Variants in SH3GLB2 observed in about 807,000 individuals in gnomAD.
The protein encoded by SH3GLB2 is endophilin-B2.
SH3GLB2 carries 24 observed loss-of-function variants against 48.0 expected under a neutral mutation model. The observed-to-expected ratio is 0.50, with a 90% CI of 0.36 to 0.70. The LOEUF is 0.70. Ranked by LOEUF, SH3GLB2 falls within the 30% of genes least tolerant of loss-of-function variation. The probability of loss-of-function intolerance (pLI) is 0.00; values close to 1 mark genes in which losing one functional copy is unlikely to be tolerated. For synonymous variants in SH3GLB2, 227 were observed against 207.6 expected (o/e 1.09, Z -0.80); for missense variants, 425 against 516.0 (o/e 0.82, Z 1.71).
intron 2 of SH3GLB2, among the ~76,000 whole-genome samples, 199 bp downstream of exon 2, chr9:129,022,083 T>C (rs1457231941): frequency 6.6e-6 from 1 of 152,024 alleles, no homozygotes; most frequent in Admixed American, 6.6e-5. Context: ...GTGTTTCCAC[T>C]GCCCTGGAGT....
Position 129,014,385 on chromosome 9 carries a change from G to A in SH3GLB2, c.561+26C>T. Reference sequence around the variant, plus strand: ...GCTCCAGCCAGAGCCTGGGCCAGGAGGCCAGCGGGGAGCGGGGACACCTAC... The same window carrying A: ...GCTCCAGCCAGAGCCTGGGCCAGGAAGCCAGCGGGGAGCGGGGACACCTAC... On this transcript the variant is annotated intron_variant, in intron 5 of 10. Transcript: ENST00000372564. The surrounding 1 kb of genome is among the most constrained non-coding windows in gnomAD (Gnocchi z 4.1). 2 of 1,547,382 alleles carry A rather than the reference G, an allele frequency of 1.3e-6. No homozygotes were observed. Among genetic ancestry groups the A allele is most frequent in the Non-Finnish European group, 1.7e-6 (2 of 1,145,368 alleles).
At chr9:129,010,944 C>T in intron 6 of SH3GLB2, 1 of 560,062 alleles carries the variant, frequency 1.8e-6, no homozygotes, top group East Asian at 3.0e-5. Flanking sequence ...ATTTCTCCTA[C>T]AGTGTCAGCC....
intron 5 of SH3GLB2, chr9:129,013,922 C>T (rs991704236): frequency 4.7e-6 from 2 of 429,728 alleles, no homozygotes; most frequent in Admixed American, 2.5e-5. Context: ...ATGGCCCAGG[C>T]CCTATCCAAT....
intron 3 of SH3GLB2, among the ~76,000 whole-genome samples, chr9:129,015,525 CAG>C (rs894652718): frequency 2.0e-5 from 3 of 152,110 alleles, no homozygotes; most frequent in Non-Finnish European, 2.9e-5. Flanking sequence ...TGCTTGAACC[CAG>C]CTGTTCAAGA....
At position 129,021,104 on chromosome 9, in the gene SH3GLB2, C is replaced by T. The variant is rs908262602; in HGVS notation, c.321G>A (p.Pro107=). 8.7e-6 allele frequency: 14 copies of T among 1,608,396 alleles called. No homozygotes were observed. The highest frequency in any genetic ancestry group is 2.2e-5 in the East Asian group (1 of 44,522). The stretch of plus-strand genomic sequence containing the variant: ...AGGCCTGCTCACCATAGGGGGTGGT[C>T]GGCCCCAGCTCACTGGCCGCGTCTG... The part of the protein sequence containing the change: ...YMADAASELG[P]TTPYGKTLIK... The change falls in exon 3 of 11, where the codon CCG becomes CCA. Residue 107 remains proline (P), a synonymous_variant. Transcript: ENST00000372564.
intron 1 of SH3GLB2, among the ~76,000 whole-genome samples, chr9:129,023,055 G>A (rs1443480565): frequency 1.3e-5 from 2 of 152,204 alleles, no homozygotes; most frequent in Non-Finnish European, 2.9e-5. Context: ...TAGGTTATGA[G>A]GATGAAAGAG....
At chr9:129,012,322 G>T (rs376650558) in intron 5 of SH3GLB2, 24 bp from the exon 6 acceptor site, 2 of 1,280,322 alleles carry the variant, frequency 1.6e-6, no homozygotes, top group Non-Finnish European at 2.0e-6. Flanking sequence ...GAGTTCATGT[G>T]GGGAGGGGGT....
At chr9:129,027,193 A>G (rs1277391365) in intron 1 of SH3GLB2, among the ~76,000 whole-genome samples, 1 of 152,206 alleles carries the variant, frequency 6.6e-6, no homozygotes, top group Non-Finnish European at 1.5e-5. Flanking sequence ...GACTTGTCCA[A>G]GGTCACATGC....
rs1843020910 is a variant in SH3GLB2, at chr9:129,010,065, C to G, written c.738+55G>C. ...AGCCCTGCTGACCTTGTGGTTCAGGCACACCTGGTGCCTGCTGAGGGTTAG... is the reference window on the plus strand; with the variant it reads ...AGCCCTGCTGACCTTGTGGTTCAGGGACACCTGGTGCCTGCTGAGGGTTAG... On this transcript the variant is annotated intron_variant, in intron 8 of 10. Coordinates refer to ENST00000372564, the MANE Select transcript of SH3GLB2 (RefSeq NM_020145.4). 8.3e-6 allele frequency: 13 copies of G among 1,558,204 alleles called. No homozygotes were observed. The South Asian group carries it at 1.4e-4, about 17-fold the overall frequency.
rs1383659547 is a variant in SH3GLB2, at chr9:129,009,218, GCCTC to G, written c.964_967del (p.Glu322ProfsTer121). 6.2e-7 allele frequency: 1 copy of G among 1,606,376 alleles called. No individual in the cohort carries two copies. Among genetic ancestry groups the G allele is most frequent in the Non-Finnish European group, 8.5e-7 (1 of 1,176,986 alleles). On this transcript the variant is annotated frameshift_variant, in exon 10 of 11. Transcript: ENST00000372564. LOFTEE classifies it high-confidence loss of function. ...GGCCACCTCTTCCAGGCAGAGCGAG[GCCTC>G]CCCCGGAGGGGCCAGGCTGGCCACA...
At chr9:129,015,046 G>A (rs983741541) in intron 3 of SH3GLB2, 142 bp from the exon 4 acceptor site, 8 of 1,055,098 alleles carry the variant, frequency 7.6e-6, no homozygotes, top group Non-Finnish European at 8.2e-6. Flanking sequence ...AAAAGCAGAA[G>A]CAACCTACAC....
Position 129,028,254 on chromosome 9 carries a change from C to G in SH3GLB2, c.-100G>C. 2 of 754,388 alleles carry G rather than the reference C, an allele frequency of 2.7e-6. No individual in the cohort carries two copies. Among genetic ancestry groups the G allele is most frequent in the Non-Finnish European group, 1.6e-6 (1 of 615,230 alleles). 46.7% of individuals were successfully genotyped at this position (754,388 alleles called of 1,614,324 possible). A position where few individuals can be genotyped will look rare whatever the true frequency, so the allele number is the denominator to read the frequency against. On this transcript the variant is annotated 5_prime_UTR_variant, in exon 1 of 11. Transcript: ENST00000372564. ...CACCCCGCCCACCTGCTGCGGGGCA[C>G]CAGCCCTCCGCGCACCCGCCTGCCG... is the stretch of plus-strand genomic sequence containing the variant.
At chr9:129,010,791 C>T in intron 6 of SH3GLB2, 98 bp from the exon 7 acceptor site, 1 of 1,416,170 alleles carries the variant, frequency 7.1e-7, no homozygotes, top group Non-Finnish European at 9.8e-7. Flanking sequence ...GACTCAACTT[C>T]TGCCCCCCTG....
intron 3 of SH3GLB2, among the ~76,000 whole-genome samples, chr9:129,016,081 G>A (rs919800365): frequency 6.6e-6 from 1 of 151,804 alleles, no homozygotes; most frequent in African/African-American, 2.4e-5. Context: ...AGTGGCTCAC[G>A]CCTGTAATTC....
Position 129,026,217 on chromosome 9 carries a change from C to T in SH3GLB2, c.63+1875G>A, listed in dbSNP as rs17452582. ...GCCAAGGCCTTGTTCCTTGCTGGAT[C>T]GGGGAGGCTCTTAAAGTTGTTTCTT... On this transcript the variant is annotated intron_variant, in intron 1 of 10. Coordinates refer to ENST00000372564, the MANE Select transcript of SH3GLB2 (RefSeq NM_020145.4). 5.0e-3 allele frequency among the ~76,000 whole-genome samples: 766 copies of T among 152,266 alleles called. 6 individuals are homozygous for T. The highest frequency in any genetic ancestry group is 9.1e-3 in the Non-Finnish European group (620 of 68,022).
intron 6 of SH3GLB2, chr9:129,012,004 C>A (rs896404298): frequency 7.6e-6 from 3 of 392,950 alleles, no homozygotes; most frequent in Non-Finnish European, 1.3e-5. Flanking sequence ...CCAGCTCCAG[C>A]GTTTTGCAGA....
Position 129,014,930 on chromosome 9 carries a change from G to C in SH3GLB2, c.335-26C>G. The C allele has an allele frequency of 6.2e-7, 1 of 1,608,566 alleles. No homozygotes were observed. Among genetic ancestry groups the C allele is most frequent in the Non-Finnish European group, 8.5e-7 (1 of 1,177,070 alleles). On this transcript the variant is annotated intron_variant, in intron 3 of 10. Transcript: ENST00000372564. This position sits in a 1 kb window ranked among gnomAD's most constrained non-coding sequence, Gnocchi z 4.1. ...CTGAGAAAACAGAGTTGAAGCGTGAGGAAGAAGGTCAGGCTCAGGCTACTC... is the reference window on the plus strand; with the variant it reads ...CTGAGAAAACAGAGTTGAAGCGTGACGAAGAAGGTCAGGCTCAGGCTACTC...
In SH3GLB2 at chr9:129,026,978, G is replaced by C. The variant is rs139603574; in HGVS notation, c.63+1114C>G. On this transcript the variant is annotated intron_variant, in intron 1 of 10. Coordinates refer to ENST00000372564, the MANE Select transcript of SH3GLB2 (RefSeq NM_020145.4). Reference sequence around the variant, plus strand: ...GGCTGGGTGTGGGCTCCTGGGGAGGGGAGTGCCCGGGTTGGGGGTGGGGAG... The same window carrying C: ...GGCTGGGTGTGGGCTCCTGGGGAGGCGAGTGCCCGGGTTGGGGGTGGGGAG... Among the ~76,000 whole-genome samples, 65 of 152,280 alleles carry C rather than the reference G, an allele frequency of 4.3e-4. 1 individual carries two copies. The East Asian group carries it at 0.01, about 24-fold the overall frequency.
At position 129,009,364 on chromosome 9, in the gene SH3GLB2, A is replaced by C. The variant is rs1262217447; in HGVS notation, c.840-18T>G. 1 of 1,550,912 alleles carries C rather than the reference A, an allele frequency of 6.4e-7. No individual in the cohort carries two copies. The highest frequency in any genetic ancestry group is 1.4e-5 in the African/African-American group (1 of 73,062). On this transcript the variant is annotated intron_variant, in intron 9 of 10. Transcript: ENST00000372564. ...CGGGAAATCTGGAGAGGAGGGATAC[A>C]TCTTAGCAGGTGGGAGTCCCAGAAG...
Sources: allele counts gnomAD v4.1 joint callset (sites outside exome capture counted in the v4.1 genomes callset), GRCh38; gene constraint gnomAD v4.1.1; non-coding constraint Gnocchi (gnomAD v3.1); transcripts MANE v1.5; gene names NCBI Gene and HGNC (gene_info 2026-07-23, HGNC 2026-07-21).